Variants in PSMA3 observed in about 807,000 individuals in gnomAD.
PSMA3 encodes proteasome subunit alpha type-3.
PSMA3 carries 8 observed loss-of-function variants against 40.0 expected under a neutral mutation model. That is an observed-to-expected ratio of 0.20 (90% CI 0.12 to 0.36). The LOEUF is 0.36. Ranked by LOEUF, PSMA3 falls within the 10% of genes least tolerant of loss-of-function variation. PSMA3 has a pLI of 1.00. For synonymous variants in PSMA3, 110 were observed against 100.0 expected (o/e 1.10, Z -0.59); for missense variants, 219 against 310.6 (o/e 0.70, Z 2.22).
At chr14:58,259,944 T>C (rs1890234375) in intron 5 of PSMA3, among the ~76,000 whole-genome samples, 1 of 152,208 alleles carries the variant, frequency 6.6e-6, no homozygotes, top group African/African-American at 2.4e-5. Context: ...AAAGAAATGT[T>C]GAAAGGCTTT....
intron 1 of PSMA3, among the ~76,000 whole-genome samples, chr14:58,247,039 T>G (rs1389443440): frequency 6.6e-6 from 1 of 152,200 alleles, no homozygotes; most frequent in South Asian, 2.1e-4. Context: ...GTGACCTTAT[T>G]TCTGTTTCTT....
rs1043601891 is a variant in PSMA3 at position 58,257,740 on chromosome 14, T to C, written c.229-5T>C. ...TCCTCTAGTAAATTGGTGCTTTTTT[T>C]TCAGGCAGTAGCAGGTTTGTTGGCA... On this transcript the variant is annotated splice_region_variant and splice_polypyrimidine_tract_variant and intron_variant, in intron 3 of 10. Coordinates refer to ENST00000216455, the MANE Select transcript of PSMA3 (RefSeq NM_002788.4). 5.6e-6 allele frequency: 9 copies of C among 1,606,622 alleles called. No individual in the cohort carries two copies. The highest frequency in any genetic ancestry group is 1.8e-4 in the Middle Eastern group (1 of 5,468).
At chr14:58,263,628 T>A (rs1421546460) in intron 6 of PSMA3, 77 bp from the exon 7 acceptor site, 1 of 1,181,958 alleles carries the variant, frequency 8.5e-7, no homozygotes, top group African/African-American at 1.6e-5. Context: ...TTCACTAGGT[T>A]ATAGAAACAT....
chr14:58,262,730 T>G (rs922242784), intron 6 of PSMA3, among the ~76,000 whole-genome samples: 3 of 151,214 alleles, frequency 2.0e-5, no homozygotes, highest in African/African-American at 7.3e-5. Flanking sequence ...ACCTGGCTAA[T>G]TTTTGTATTT....
At chr14:58,246,471 T>A (rs1353393307) in intron 1 of PSMA3, among the ~76,000 whole-genome samples, 2 of 152,228 alleles carry the variant, frequency 1.3e-5, no homozygotes, top group African/African-American at 4.8e-5. Flanking sequence ...CGATCTTGGC[T>A]CACTGCAACC....
At chr14:58,248,256 G>A (rs1889921621) in intron 2 of PSMA3, among the ~76,000 whole-genome samples, 1 of 152,162 alleles carries the variant, frequency 6.6e-6, no homozygotes. Flanking sequence ...TGAGACCTGA[G>A]TCTCACTCTG....
In PSMA3 at chr14:58,247,803, A is replaced by G. The variant is rs199770893; in HGVS notation, c.75A>G (p.Glu25=). The G allele has an allele frequency of 3.1e-6, 5 of 1,607,536 alleles. No homozygotes were observed. In the East Asian group the frequency reaches 8.9e-5, roughly 29 times the overall value. The part of the protein sequence containing the change: ...FSPDGRVFQV[E]YAMKAVENSS... ...CTGACGGAAGAGTTTTTCAAGTTGAATATGCTATGAAGGCTGTGGAAAATA... is the reference window on the plus strand; with the variant it reads ...CTGACGGAAGAGTTTTTCAAGTTGAGTATGCTATGAAGGCTGTGGAAAATA... The change falls in exon 2 of 11, where the codon GAA becomes GAG. Residue 25 remains glutamate (E), a synonymous_variant. Coordinates refer to ENST00000216455, the MANE Select transcript of PSMA3 (RefSeq NM_002788.4).
intron 7 of PSMA3, chr14:58,265,971 C>A (rs1174466931): frequency 6.6e-6 from 1 of 152,194 alleles, no homozygotes; most frequent in African/African-American, 2.4e-5. Flanking sequence ...ATACTTTATT[C>A]TCCTTATACC....
At chr14:58,261,134 A>T in intron 6 of PSMA3, 114 bp downstream of exon 6, 1 of 722,818 alleles carries the variant, frequency 1.4e-6, no homozygotes, top group South Asian at 2.2e-5. Context: ...CAAGGAAAGT[A>T]ATTTTTCTTT....
In PSMA3 at chr14:58,252,178, T is replaced by C; in HGVS notation, c.164T>C (p.Leu55Pro). 6.2e-7 allele frequency: 1 copy of C among 1,613,666 alleles called. No individual in the cohort carries two copies. ...GVVFGVEKLV[L>P]SKLYEEGSNK... ...GTCTTTGGGGTAGAAAAATTAGTCCTTTCTAAACTTTATGAAGAAGGTTCC... is the reference window on the plus strand; with the variant it reads ...GTCTTTGGGGTAGAAAAATTAGTCCCTTCTAAACTTTATGAAGAAGGTTCC... The change falls in exon 3 of 11, where the codon CTT (leucine) becomes CCT (proline). Residue 55 changes from leucine (L) to proline (P), a missense_variant. Coordinates refer to ENST00000216455, the MANE Select transcript of PSMA3 (RefSeq NM_002788.4).
chr14:58,269,429 GT>G lies in PSMA3; in HGVS notation c.591-976del, dbSNP rs879582556. 1.3e-3 allele frequency: 183 copies of G among 145,484 alleles called. 1 individual carries two copies. The highest frequency in any genetic ancestry group is 3.5e-3 in the Middle Eastern group (1 of 284). 9.0% of individuals were successfully genotyped at this position (145,484 alleles called of 1,614,324 possible). A position where few individuals can be genotyped will look rare whatever the true frequency, so the allele number is the denominator to read the frequency against. ...CTAATAATTGCAAGCACATAAATTA[GT>G]TTTTTTTTTTTTATTTTTTTGAAAC... On this transcript the variant is annotated intron_variant, in intron 8 of 10. Transcript: ENST00000216455.
At chr14:58,256,652 T>A (rs1434181175) in intron 3 of PSMA3, among the ~76,000 whole-genome samples, 3 of 151,238 alleles carry the variant, frequency 2.0e-5, no homozygotes, top group South Asian at 2.1e-4. Context: ...GACCTTGTGA[T>A]CCACCTGCCT....
chr14:58,253,755 A>G (rs1026638672), intron 3 of PSMA3, among the ~76,000 whole-genome samples: 24 of 151,954 alleles, frequency 1.6e-4, no homozygotes, highest in African/African-American at 5.3e-4. Flanking sequence ...CGCCACACCC[A>G]GCTAATTTTT....
At chr14:58,251,893 T>C (rs895908274) in intron 2 of PSMA3, among the ~76,000 whole-genome samples, 1 of 152,194 alleles carries the variant, frequency 6.6e-6, no homozygotes, top group Non-Finnish European at 1.5e-5. Flanking sequence ...TATTAATATA[T>C]TTTTAGTCAA....
At chr14:58,271,403 C>G (rs957627253) in intron 10 of PSMA3, among the ~76,000 whole-genome samples, 1 of 141,412 alleles carries the variant, frequency 7.1e-6, no homozygotes. Flanking sequence ...CATCTCTGCT[C>G]ACTGCAACCT....
chr14:58,254,506 T>G (rs1186138178), intron 3 of PSMA3, among the ~76,000 whole-genome samples: 1 of 150,464 alleles, frequency 6.6e-6, no homozygotes, highest in Non-Finnish European at 1.5e-5. Context: ...TGGCTAATTT[T>G]TTAGTTTTTT....
intron 3 of PSMA3, among the ~76,000 whole-genome samples, chr14:58,255,566 C>G (rs1220956280): frequency 6.6e-6 from 1 of 152,142 alleles, no homozygotes; most frequent in African/African-American, 2.4e-5. Flanking sequence ...GTCGAAAGTT[C>G]AAGACCAGCC....
Position 58,263,901 on chromosome 14 carries a change from CAACACT to C in PSMA3, c.543+134_543+139del. 5.4e-6 allele frequency: 4 copies of C among 736,404 alleles called. No homozygotes were observed. The South Asian group carries it at 6.6e-5, about 12-fold the overall frequency. The allele number at this position is 736,404 out of a possible 1,614,324, so 45.6% of individuals were successfully genotyped here. A position where few individuals can be genotyped will look rare whatever the true frequency, so the allele number is the denominator to read the frequency against. ...TCCCTGGGCCACACATAAAATACAC[CAACACT>C]AATGATAGCTGATGAGCTTAAAAAA... On this transcript the variant is annotated intron_variant, in intron 7 of 10. Transcript: ENST00000216455.
chr14:58,264,988 A>G (rs1401024262), intron 7 of PSMA3: 1 of 152,184 alleles, frequency 6.6e-6, no homozygotes, highest in Non-Finnish European at 1.5e-5. Context: ...ATGTCAGTTG[A>G]GGGGGATTAC....
Sources: allele counts gnomAD v4.1 joint callset (sites outside exome capture counted in the v4.1 genomes callset), GRCh38; gene constraint gnomAD v4.1.1; transcripts MANE v1.5; gene names NCBI Gene and HGNC (gene_info 2026-07-23, HGNC 2026-07-21).